Variants in DTYMK observed in about 807,000 individuals in gnomAD.
The protein encoded by DTYMK is thymidylate kinase.
DTYMK carries 20 observed loss-of-function variants against 20.3 expected under a neutral mutation model. The observed-to-expected ratio is 0.99, with a 90% CI of 0.69 to 1.43. The LOEUF is 1.43. Ranked by LOEUF, DTYMK falls within the 40% of genes most tolerant of loss-of-function variation. The probability of loss-of-function intolerance (pLI) is 0.00; values close to 1 mark genes in which losing one functional copy is unlikely to be tolerated. For synonymous variants in DTYMK, 148 were observed against 124.4 expected, an observed-to-expected ratio of 1.19 and a Z score of -1.27; for missense variants, 320 against 291.1, an observed-to-expected ratio of 1.10 and a Z score of -0.72.
rs529641301 is a variant in DTYMK, at chr2:241,680,380, T to C, written c.240-61A>G. ...TTCATAGGCCTTGAACTGTCAAGCT[T>C]AAATTATCCCAACAGGCTGTGCGCA... On this transcript the variant is annotated intron_variant, in intron 2 of 4. Coordinates refer to ENST00000305784, the MANE Select transcript of DTYMK (RefSeq NM_012145.4). 43 of 1,583,012 alleles carry C rather than the reference T, an allele frequency of 2.7e-5. No homozygotes were observed. In the African/African-American group the frequency reaches 4.6e-4, roughly 17 times the overall value.
rs35905448 is a variant in DTYMK at position 241,680,597 on chromosome 2, C to T, written c.240-278G>A. On this transcript the variant is annotated intron_variant, in intron 2 of 4. Coordinates refer to ENST00000305784, the MANE Select transcript of DTYMK (RefSeq NM_012145.4). ...CTGAGGCAGGAGAATTGCTTGAACC[C>T]AGGAGGTGGAGGTTGCAGTGAGCCG... 0.2 allele frequency among the ~76,000 whole-genome samples: 30,205 copies of T among 151,590 alleles called. 3,365 individuals carry two copies. Among genetic ancestry groups the T allele is most frequent in the East Asian group, 0.27 (1,404 of 5,122 alleles).
intron 2 of DTYMK, chr2:241,685,058 C>T (rs1222009672): frequency 5.6e-6 from 1 of 179,992 alleles, no homozygotes; most frequent in Non-Finnish European, 1.2e-5. Flanking sequence ...ATTAGCCGGG[C>T]TTGGTAGCAT....
At chr2:241,684,919 CT>C (rs1481662015) in intron 2 of DTYMK, among the ~76,000 whole-genome samples, 1 of 151,828 alleles carries the variant, frequency 6.6e-6, no homozygotes, top group Non-Finnish European at 1.5e-5. Context: ...ACATACTCTA[CT>C]TTTTGATCAG....
intron 3 of DTYMK, among the ~76,000 whole-genome samples, chr2:241,679,573 C>T (rs1174348528): frequency 2.0e-5 from 3 of 152,020 alleles, no homozygotes; most frequent in Non-Finnish European, 2.9e-5. Flanking sequence ...GTTGTTATAG[C>T]GAGCTTTGCT....
At chr2:241,678,777 G>T in intron 3 of DTYMK, 128 bp from the exon 4 acceptor site, 1 of 1,087,536 alleles carries the variant, frequency 9.2e-7, no homozygotes, top group Non-Finnish European at 1.3e-6. Context: ...TTATATTGTG[G>T]CTCGTTTAAT....
At chr2:241,678,731 G>C (rs536867348) in intron 3 of DTYMK, 82 bp from the exon 4 acceptor site, 1 of 1,497,534 alleles carries the variant, frequency 6.7e-7, no homozygotes, top group Non-Finnish European at 9.1e-7. Context: ...GAAAAAATGA[G>C]GGGACATTTG....
In DTYMK at chr2:241,678,665, C is replaced by T; in HGVS notation, c.331-16G>A. 1 of 1,613,632 alleles carries T rather than the reference C, an allele frequency of 6.2e-7. No individual in the cohort carries two copies. The highest frequency in any genetic ancestry group is 1.1e-5 in the South Asian group (1 of 91,026). On this transcript the variant is annotated splice_polypyrimidine_tract_variant and intron_variant, in intron 3 of 4. Coordinates refer to ENST00000305784, the MANE Select transcript of DTYMK (RefSeq NM_012145.4). ...GGGAAAAATTCTGCCAAGAAAGAAC[C>T]CAACAGTTAAAGCTTAGTGTAGTCT...
At chr2:241,677,605 G>A (rs569719710) in intron 4 of DTYMK, among the ~76,000 whole-genome samples, 28 of 152,354 alleles carry the variant, frequency 1.8e-4, no homozygotes, top group African/African-American at 5.3e-4. Flanking sequence ...CGTGGGCAGC[G>A]GTGGGCACGG....
intron 4 of DTYMK, 104 bp downstream of exon 4, chr2:241,678,348 G>A: frequency 6.6e-7 from 1 of 1,513,978 alleles, no homozygotes; most frequent in Non-Finnish European, 9.0e-7. Context: ...GGGAGGACCA[G>A]ACGGAAACGG....
rs781369163 is a variant in DTYMK, at chr2:241,686,712, G to A, written c.72C>T (p.Arg24=). The A allele has an allele frequency of 3.2e-5, 49 of 1,543,714 alleles. No homozygotes were observed. Among genetic ancestry groups the A allele is most frequent in the Non-Finnish European group, 4.1e-5 (48 of 1,157,568 alleles). ...VDRAGKSTQS[R]KLVEALCAAG... The stretch of plus-strand genomic sequence containing the variant: ...CGGCGCACAGCGCTTCCACCAGCTT[G>A]CGGCTCTGCGTGCTCTTCCCGGCGC... The change falls in exon 1 of 5, where the codon CGC becomes CGT. Residue 24 remains arginine, a synonymous_variant. Transcript: ENST00000305784.
chr2:241,678,074 G>A (rs1293428719), intron 4 of DTYMK, among the ~76,000 whole-genome samples: 3 of 152,126 alleles, frequency 2.0e-5, no homozygotes, highest in Non-Finnish European at 4.4e-5. Flanking sequence ...TCAGGAGTTG[G>A]AGACCAGCCT....
chr2:241,683,374 G>C (rs1359133127), intron 2 of DTYMK, among the ~76,000 whole-genome samples: 1 of 152,116 alleles, frequency 6.6e-6, no homozygotes, highest in Non-Finnish European at 1.5e-5. Flanking sequence ...CCAACCCAAG[G>C]CCCGCAGGCT....
At chr2:241,678,300 G>C (rs774256185) in intron 4 of DTYMK, 152 bp downstream of exon 4, 1 of 1,082,180 alleles carries the variant, frequency 9.2e-7, no homozygotes, top group Non-Finnish European at 1.3e-6. Flanking sequence ...TGCTGGCACC[G>C]AGAACCCCTG....
chr2:241,676,859 C>T (rs1162931520), intron 4 of DTYMK, among the ~76,000 whole-genome samples: 6 of 152,272 alleles, frequency 3.9e-5, no homozygotes, highest in African/African-American at 1.2e-4. Flanking sequence ...CCTGCCCACG[C>T]TCCTGTGGCT....
In DTYMK at chr2:241,683,500, A is replaced by G. The variant is rs145719381; in HGVS notation, c.239+2269T>C. Among the ~76,000 whole-genome samples, 122 of 152,282 alleles carry G rather than the reference A, an allele frequency of 8.0e-4. 1 individual carries two copies. The East Asian group carries it at 0.018, about 23-fold the overall frequency. On this transcript the variant is annotated intron_variant, in intron 2 of 4. Coordinates refer to ENST00000305784, the MANE Select transcript of DTYMK (RefSeq NM_012145.4). ...TGCGTGGCCCAAGACATTTCTTCCA[A>G]TGTGGCCCAGGGAAGCCAAAAGACT...
intron 2 of DTYMK, 89 bp from the exon 3 acceptor site, chr2:241,680,408 G>C (rs112883255): frequency 0.021 from 29,452 of 1,412,200 alleles, 1,483 homozygotes; most frequent in East Asian, 0.17. Context: ...TGTGCGCAGT[G>C]GCTCACCCCT....
chr2:241,683,072 T>G (rs1452983176), intron 2 of DTYMK, among the ~76,000 whole-genome samples: 2 of 152,058 alleles, frequency 1.3e-5, no homozygotes, highest in Non-Finnish European at 2.9e-5. Context: ...CTAGCCTGGT[T>G]GAGACCCTGT....
At chr2:241,680,863 A>G (rs1034112524) in intron 2 of DTYMK, among the ~76,000 whole-genome samples, 3 of 152,240 alleles carry the variant, frequency 2.0e-5, no homozygotes, top group African/African-American at 7.2e-5. Flanking sequence ...AACAAACACA[A>G]CTGGTAAAGT....
In DTYMK at chr2:241,680,292, C is replaced by T; in HGVS notation, c.267G>A (p.Gln89=). The T allele has an allele frequency of 6.2e-7, 1 of 1,614,162 alleles. No homozygotes were observed. Among genetic ancestry groups the T allele is most frequent in the Non-Finnish European group, 8.5e-7 (1 of 1,180,018 alleles). The part of the protein sequence containing the change: ...QVPLIKEKLS[Q]GVTLVVDRYA... Reference sequence around the variant, plus strand: ...ATCTGTCCACGACGAGGGTCACGCCCTGGCTCAACTTTTCCTTAATTAACG... The same window carrying T: ...ATCTGTCCACGACGAGGGTCACGCCTTGGCTCAACTTTTCCTTAATTAACG... Residue 89 remains glutamine, a synonymous_variant, in exon 3 of 5, where the codon CAG becomes CAA. Transcript: ENST00000305784.
Sources: allele counts gnomAD v4.1 joint callset (sites outside exome capture counted in the v4.1 genomes callset), GRCh38; gene constraint gnomAD v4.1.1; transcripts MANE v1.5; gene names NCBI Gene and HGNC (gene_info 2026-07-23, HGNC 2026-07-21).